Variants in DDR1 observed in about 807,000 individuals in gnomAD.
DDR1 encodes discoidin domain receptor tyrosine kinase 1.
A neutral mutation model predicts 97.4 loss-of-function variants in DDR1; 64 were observed. The observed-to-expected ratio is 0.66, with a 90% confidence interval of 0.54 to 0.81. The LOEUF (loss-of-function observed/expected upper bound fraction) is 0.81, where lower values mean the gene tolerates loss of function less well. DDR1 is among the 30% of genes least tolerant of loss of function. DDR1 has a pLI of 0.00. For synonymous variants in DDR1, 458 were observed against 503.7 expected (o/e 0.91, Z 1.21); for missense variants, 990 against 1,259.6 (o/e 0.79, Z 3.24).
intron 1 of DDR1, chr6:30,885,276 G>C (rs1287502707): frequency 1.3e-6 from 2 of 1,529,896 alleles, no homozygotes; most frequent in Non-Finnish European, 1.8e-6. Context: ...CCTGGCTCTT[G>C]GCTGAACATT....
chr6:30,891,780 G>A lies in DDR1; in HGVS notation c.666-222G>A, dbSNP rs1788471068. ...TGAAATGGTGCCCCTTAGAGGTGGT[G>A]CCTTTGTGCTGGATGTGACCTGCAA... On this transcript the variant is annotated intron_variant, in intron 6 of 17. Transcript: ENST00000376568. The surrounding 1 kb of genome is among the most constrained non-coding windows in gnomAD (Gnocchi z 5.3). Among the ~76,000 whole-genome samples the A allele has an allele frequency of 6.6e-6, 1 of 152,148 alleles. No homozygotes were observed. The highest frequency in any genetic ancestry group is 1.5e-5 in the Non-Finnish European group (1 of 68,022).
chr6:30,891,450 C>T lies in DDR1; in HGVS notation c.636C>T (p.Asp212=). 3 of 1,612,984 alleles carry T rather than the reference C, an allele frequency of 1.9e-6. No homozygotes were observed. Among genetic ancestry groups the T allele is most frequent in the African/African-American group, 2.7e-5 (2 of 75,014 alleles). The change falls in exon 6 of 18, where the codon GAC becomes GAT. Residue 212 remains aspartate (D), a synonymous_variant. Transcript: ENST00000376568. The surrounding 1 kb of genome is among the most constrained non-coding windows in gnomAD (Gnocchi z 5.3). ...MYLSEAVYLN[D]STYDGHTVGG... is the part of the protein sequence containing the mutation. ...TATCTGAGGCCGTGTACCTCAACGA[C>T]TCCACCTATGACGGACATACCGTGG...
In DDR1 at chr6:30,896,795, C is replaced by T. The variant is rs747349990; in HGVS notation, c.1799C>T (p.Pro600Leu). Residue 600 changes from proline to leucine, a missense_variant, in exon 13 of 18, where the codon CCC becomes CTC. Physicochemically the swap from Pro to Leu is moderately conservative, Grantham distance 98 (BLOSUM62 -3). Coordinates refer to ENST00000376568, the MANE Select transcript of DDR1 (RefSeq NM_001297654.2). ...CCCCCAGGGGCAGTCGGGGATGGGC[C>T]CCCCAGAGTGGATTTCCCTCGATCT... ...ALPPGAVGDG[P>L]PRVDFPRSRL... is the part of the protein sequence containing the mutation. 6.3e-7 allele frequency: 1 copy of T among 1,585,920 alleles called. No homozygotes were observed. The highest frequency in any genetic ancestry group is 2.2e-5 in the East Asian group (1 of 44,458).
rs1424328250 is a variant in DDR1, at chr6:30,898,053, T to C, written c.2217-20T>C. 1 of 1,598,564 alleles carries C rather than the reference T, an allele frequency of 6.3e-7. No homozygotes were observed. The highest frequency in any genetic ancestry group is 1.1e-5 in the South Asian group (1 of 90,726). On this transcript the variant is annotated intron_variant, in intron 15 of 17. Coordinates refer to ENST00000376568, the MANE Select transcript of DDR1 (RefSeq NM_001297654.2). ...TCTGCGAAGCTGCCCCCAGTGACCT[T>C]CTGTCGGTTCCCTTCTCAGCTACCC...
rs1045214932 is a variant in DDR1, at chr6:30,899,888, C to A, written c.*592C>A. ...AGCCCTCAGTCACCCCCACTTCCCA[C>A]TTGCAGTCTTGTAGCTAGAACTTCT... On this transcript the variant is annotated 3_prime_UTR_variant, in exon 18 of 18. Coordinates refer to ENST00000376568, the MANE Select transcript of DDR1 (RefSeq NM_001297654.2). 2.2e-6 allele frequency: 1 copy of A among 464,036 alleles called. No individual in the cohort carries two copies. The allele number at this position is 464,036 out of a possible 1,614,324, so 28.7% of individuals were successfully genotyped here.
At position 30,890,791 on chromosome 6, in the gene DDR1, T is replaced by G; in HGVS notation, c.418-182T>G. On this transcript the variant is annotated intron_variant, in intron 4 of 17. Coordinates refer to ENST00000376568, the MANE Select transcript of DDR1 (RefSeq NM_001297654.2). The surrounding 1 kb of genome is among the most constrained non-coding windows in gnomAD (Gnocchi z 5.0). ...ATCAGAGCTGCGACAGAGCCAGAGG[T>G]CTCAGCTGCAGATCTTCATTTCACC... 1.8e-6 allele frequency: 1 copy of G among 564,764 alleles called. No individual in the cohort carries two copies. 35.0% of individuals were successfully genotyped at this position (564,764 alleles called of 1,614,324 possible).
chr6:30,888,705 C>A lies in DDR1; in HGVS notation c.-25C>A, dbSNP rs368995665. On this transcript the variant is annotated 5_prime_UTR_variant, in exon 2 of 18. Coordinates refer to ENST00000376568, the MANE Select transcript of DDR1 (RefSeq NM_001297654.2). The surrounding 1 kb of genome is among the most constrained non-coding windows in gnomAD (Gnocchi z 4.2). The stretch of plus-strand genomic sequence containing the variant: ...CCCTGCAGAGATGCTGCCCCCACCC[C>A]CTTAGGCCCGAGGGATCAGGAGCTA... 2 of 1,612,582 alleles carry A rather than the reference C, an allele frequency of 1.2e-6. No homozygotes were observed. Among genetic ancestry groups the A allele is most frequent in the Non-Finnish European group, 1.7e-6 (2 of 1,179,880 alleles).
chr6:30,895,649 T>C, intron 12 of DDR1, 135 bp downstream of exon 12: 2 of 559,102 alleles, frequency 3.6e-6, no homozygotes, highest in Non-Finnish European at 6.2e-6. Flanking sequence ...AGGAGGAAGC[T>C]CTTGTGCCCT....
chr6:30,898,070 C>T lies in DDR1; in HGVS notation c.2217-3C>T. On this transcript the variant is annotated splice_polypyrimidine_tract_variant and splice_region_variant and intron_variant, in intron 15 of 17. Transcript: ENST00000376568. ...AGTGACCTTCTGTCGGTTCCCTTCT[C>T]AGCTACCCAATGCTGCTGCATGTGG... The T allele has an allele frequency of 6.2e-7, 1 of 1,611,914 alleles. No individual in the cohort carries two copies.
At position 30,896,842 on chromosome 6, in the gene DDR1, C is replaced by G. The variant is rs1223682481; in HGVS notation, c.1846C>G (p.Leu616Val). The change falls in exon 13 of 18, where the codon CTT becomes GTT. Residue 616 changes from leucine to valine, a missense_variant. By Grantham distance (32) the Leu-to-Val change is conservative. Transcript: ENST00000376568. Reference sequence around the variant, plus strand: ...ATCTCGACTCCGCTTCAAGGAGAAGCTTGGCGAGGGCCAGTTTGGGGAGGT... The same window carrying G: ...ATCTCGACTCCGCTTCAAGGAGAAGGTTGGCGAGGGCCAGTTTGGGGAGGT... ...PRSRLRFKEKLGEGQFGEVHL... is the reference protein window; with the variant it reads ...PRSRLRFKEKVGEGQFGEVHL... The G allele has an allele frequency of 6.3e-7, 1 of 1,586,042 alleles. No individual in the cohort carries two copies. Among genetic ancestry groups the G allele is most frequent in the South Asian group, 1.2e-5 (1 of 86,626 alleles).
chr6:30,897,451 G>A lies in DDR1; in HGVS notation c.2070G>A (p.Val690=). 6.2e-7 allele frequency: 1 copy of A among 1,614,172 alleles called. No homozygotes were observed. Among genetic ancestry groups the A allele is most frequent in the Non-Finnish European group, 8.5e-7 (1 of 1,180,030 alleles). Residue 690 remains valine (V), a synonymous_variant, in exon 15 of 18, where the codon GTG becomes GTA. Coordinates refer to ENST00000376568, the MANE Select transcript of DDR1 (RefSeq NM_001297654.2). The surrounding 1 kb of genome is among the most constrained non-coding windows in gnomAD (Gnocchi z 5.2). The part of the protein sequence containing the change: ...KDPNIIRLLG[V]CVQDDPLCMI... ...CAAACATCATTCGGCTGCTGGGCGT[G>A]TGTGTGCAGGACGACCCCCTCTGCA... is the stretch of plus-strand genomic sequence containing the variant.
chr6:30,897,572 C>G lies in DDR1; in HGVS notation c.2191C>G (p.Gln731Glu). ...AGCCGAGGGGGCCCCTGGGGACGGG[C>G]AGGCTGCGCAGGGGCCCACCATCAG... ...KAAEGAPGDGQAAQGPTISYP... is the reference protein window; with the variant it reads ...KAAEGAPGDGEAAQGPTISYP... The change falls in exon 15 of 18, where the codon CAG becomes GAG. Residue 731 changes from glutamine (Q) to glutamate (E), a missense_variant. Transcript: ENST00000376568. This position sits in a 1 kb window ranked among gnomAD's most constrained non-coding sequence, Gnocchi z 5.2. The G allele has an allele frequency of 2.5e-6, 4 of 1,612,386 alleles. No homozygotes were observed. The highest frequency in any genetic ancestry group is 3.4e-6 in the Non-Finnish European group (4 of 1,179,876).
Position 30,898,278 on chromosome 6 carries a change from C to T in DDR1, c.2422C>T (p.Arg808Cys), listed in dbSNP as rs755651121. The T allele has an allele frequency of 4.3e-6, 7 of 1,613,840 alleles. No individual in the cohort carries two copies. Among genetic ancestry groups the T allele is most frequent in the African/African-American group, 2.7e-5 (2 of 74,930 alleles). ...GCAGGGCCGGGCAGTGCTGCCCATC[C>T]GCTGGATGGCCTGGGAGTGCATCCT... ...RVQGRAVLPI[R>C]WMAWECILMG... Residue 808 changes from arginine to cysteine, a missense_variant, in exon 16 of 18, where the codon CGC becomes TGC. By Grantham distance (180) the Arg-to-Cys change is radical (BLOSUM62 -3). Transcript: ENST00000376568.
At position 30,899,168 on chromosome 6, in the gene DDR1, C is replaced by T. The variant is rs4711245; in HGVS notation, c.2614C>T (p.Arg872Trp). Residue 872 changes from arginine to tryptophan, a missense_variant, in exon 18 of 18, where the codon CGG (arginine) becomes TGG (tryptophan). Physicochemically the swap from Arg to Trp is moderately radical, Grantham distance 101. Coordinates refer to ENST00000376568, the MANE Select transcript of DDR1 (RefSeq NM_001297654.2). ...TGCCACAATGCAGGTGTACCTGTCC[C>T]GGCCGCCTGCCTGCCCGCAGGGCCT... is the stretch of plus-strand genomic sequence containing the variant. ...RDQGRQVYLS[R>W]PPACPQGLYE... 79 of 1,614,104 alleles carry T rather than the reference C, an allele frequency of 4.9e-5. No homozygotes were observed. The highest frequency in any genetic ancestry group is 5.6e-5 in the Non-Finnish European group (66 of 1,180,034).
intron 1 of DDR1, chr6:30,885,616 T>G (rs1169695771): frequency 3.7e-6 from 5 of 1,359,218 alleles, no homozygotes; most frequent in Non-Finnish European, 4.8e-6. Context: ...TGTCATTTCA[T>G]GTTCACAGGT....
At chr6:30,893,911 C>A (rs1582075044) in intron 10 of DDR1, among the ~76,000 whole-genome samples, 2 of 152,278 alleles carry the variant, frequency 1.3e-5, no homozygotes. Context: ...GTCTGGCACA[C>A]CCCAAGCCAC....
chr6:30,884,264 CGGGCGG>C (rs1314913538), upstream of DDR1: 1 of 88,376 alleles, frequency 1.1e-5, no homozygotes, highest in Non-Finnish European at 2.3e-5. This position sits in a 1 kb window ranked among gnomAD's most constrained non-coding sequence, Gnocchi z 6.1. Flanking sequence ...GCGGGCTTGG[CGGGCGG>C]GTTACCTGGG....
Position 30,891,551 on chromosome 6 carries a change from G to GTA in DDR1, c.665+73_665+74insAT. On this transcript the variant is annotated intron_variant, in intron 6 of 17. Coordinates refer to ENST00000376568, the MANE Select transcript of DDR1 (RefSeq NM_001297654.2). The surrounding 1 kb of genome is among the most constrained non-coding windows in gnomAD (Gnocchi z 5.3). Reference sequence around the variant, plus strand: ...ACTGTGTGTGTGTGTGTGTGTGTGTGTGTGTGAGAGTGTGTGTGTGTAGGG... The same window carrying GTA: ...ACTGTGTGTGTGTGTGTGTGTGTGTGTATGTGTGAGAGTGTGTGTGTGTAGGG... 1 of 951,354 alleles carries GTA rather than the reference G, an allele frequency of 1.1e-6. No individual in the cohort carries two copies. Among genetic ancestry groups the GTA allele is most frequent in the East Asian group, 2.6e-5 (1 of 39,214 alleles). 58.9% of individuals were successfully genotyped at this position (951,354 alleles called of 1,614,324 possible). A position where few individuals can be genotyped will look rare whatever the true frequency, so the allele number is the denominator to read the frequency against.
chr6:30,894,715 G>T lies in DDR1; in HGVS notation c.1513+44G>T. On this transcript the variant is annotated intron_variant, in intron 11 of 17. Transcript: ENST00000376568. This position sits in a 1 kb window ranked among gnomAD's most constrained non-coding sequence, Gnocchi z 5.7. ...CAGTCGCACCTCTGTCCTCTCTGCTGTTTTCTTATTGTATCCCTTTCCCAT... is the reference window on the plus strand; with the variant it reads ...CAGTCGCACCTCTGTCCTCTCTGCTTTTTTCTTATTGTATCCCTTTCCCAT... 6.7e-7 allele frequency: 1 copy of T among 1,501,442 alleles called. No individual in the cohort carries two copies. The highest frequency in any genetic ancestry group is 8.9e-7 in the Non-Finnish European group (1 of 1,122,034). 93.0% of individuals were successfully genotyped at this position (1,501,442 alleles called of 1,614,324 possible).
Sources: allele counts gnomAD v4.1 joint callset (sites outside exome capture counted in the v4.1 genomes callset), GRCh38; gene constraint gnomAD v4.1.1; non-coding constraint Gnocchi (gnomAD v3.1); transcripts MANE v1.5; gene names NCBI Gene and HGNC (gene_info 2026-07-23, HGNC 2026-07-21).